Variants in SFMBT2 observed in about 807,000 individuals in gnomAD.
SFMBT2 encodes the protein scm-like with four MBT domains protein 2.
Under a neutral mutation model 110.1 loss-of-function variants are expected in SFMBT2, and 38 were observed. The observed-to-expected ratio is 0.35, with a 90% CI of 0.27 to 0.45. SFMBT2 has a LOEUF of 0.45. SFMBT2 is among the 20% of genes least tolerant of loss of function. The probability of loss-of-function intolerance (pLI) is 1.00; values close to 1 mark genes in which losing one functional copy is unlikely to be tolerated. For synonymous variants in SFMBT2, 425 were observed against 425.4 expected, an observed-to-expected ratio of 1.00 and a Z score of 0.01; for missense variants, 1,011 against 1,094.9, an observed-to-expected ratio of 0.92 and a Z score of 1.08.
intron 2 of SFMBT2, among the ~76,000 whole-genome samples, chr10:7,380,142 T>C (rs1845382104): frequency 6.6e-6 from 1 of 152,198 alleles, no homozygotes; most frequent in South Asian, 2.1e-4. Flanking sequence ...GAAAGACTTT[T>C]TAAAAAGGGA....
intron 1 of SFMBT2, among the ~76,000 whole-genome samples, chr10:7,410,552 G>C (rs1374072366): frequency 6.6e-6 from 1 of 152,150 alleles, no homozygotes; most frequent in African/African-American, 2.4e-5. Flanking sequence ...TTCCGAGCCC[G>C]GAGACGCAGG....
In SFMBT2 at chr10:7,378,771, G is replaced by T. The variant is rs558755435; in HGVS notation, c.100+3028C>A. Among the ~76,000 whole-genome samples, 214 of 150,506 alleles carry T rather than the reference G, an allele frequency of 1.4e-3. 1 individual carries two copies. The highest frequency in any genetic ancestry group is 3.8e-3 in the South Asian group (18 of 4,708). ...GGTGTGAGTGTGGGTGTGTCGCTGT[G>T]GGGTGGTGTGAGTGTGGGTGTGTGT... On this transcript the variant is annotated intron_variant, in intron 2 of 20. Coordinates refer to ENST00000397167, the MANE Select transcript of SFMBT2 (RefSeq NM_001387889.1).
In SFMBT2 at chr10:7,161,761, C is replaced by T. The variant is rs1315543503; in HGVS notation, c.*2009G>A. 6.6e-6 allele frequency: 1 copy of T among 152,188 alleles called. No individual in the cohort carries two copies. The highest frequency in any genetic ancestry group is 2.4e-5 in the African/African-American group (1 of 41,442). 9.4% of individuals were successfully genotyped at this position (152,188 alleles called of 1,614,324 possible). A position where few individuals can be genotyped will look rare whatever the true frequency, so the allele number is the denominator to read the frequency against. ...TGTGTTTTCCATTCTCATCTGTAAC[C>T]ATTACAGAATGTTAAGAAGGGTGAG... is the stretch of plus-strand genomic sequence containing the variant. On this transcript the variant is annotated 3_prime_UTR_variant, in exon 21 of 21. Transcript: ENST00000397167.
chr10:7,219,759 T>C, intron 11 of SFMBT2: 1 of 316,626 alleles, frequency 3.2e-6, no homozygotes, highest in Non-Finnish European at 4.6e-6. Flanking sequence ...GTCTTGGAGA[T>C]CAAATCCATT....
chr10:7,329,396 T>A (rs1158094735), intron 4 of SFMBT2: 2 of 976,688 alleles, frequency 2.0e-6, no homozygotes, highest in African/African-American at 3.5e-5. Flanking sequence ...TCAGCAGCCA[T>A]CAGCGCAGCA....
At chr10:7,298,736 T>C (rs1271505003) in intron 4 of SFMBT2, among the ~76,000 whole-genome samples, 1 of 152,140 alleles carries the variant, frequency 6.6e-6, no homozygotes, top group Non-Finnish European at 1.5e-5. Flanking sequence ...TGTATGTATG[T>C]ATGTGTATAT....
At chr10:7,258,099 T>C (rs1227533526) in intron 7 of SFMBT2, among the ~76,000 whole-genome samples, 1 of 152,082 alleles carries the variant, frequency 6.6e-6, no homozygotes, top group Non-Finnish European at 1.5e-5. Flanking sequence ...ACCTGGCTAA[T>C]TTTTTGTATT....
At chr10:7,309,243 T>C (rs566112659) in intron 4 of SFMBT2, among the ~76,000 whole-genome samples, 4 of 152,372 alleles carry the variant, frequency 2.6e-5, no homozygotes, top group Non-Finnish European at 5.9e-5. Context: ...GCCTGAATGC[T>C]GGAGCAAGAC....
At chr10:7,319,830 CAG>C (rs1289538240) in intron 4 of SFMBT2, among the ~76,000 whole-genome samples, 88 of 114,892 alleles carry the variant, frequency 7.7e-4, no homozygotes, top group African/African-American at 3.0e-3. Context: ...CAGAGAGAGA[CAG>C]AGAGGAAGAC....
intron 6 of SFMBT2, among the ~76,000 whole-genome samples, chr10:7,282,001 T>C (rs1044051244): frequency 2.0e-5 from 3 of 152,126 alleles, no homozygotes; most frequent in Non-Finnish European, 4.4e-5. Flanking sequence ...CATGCCACCA[T>C]GCCTAGCCAG....
intron 13 of SFMBT2, 107 bp from the exon 14 acceptor site, chr10:7,200,591 T>G: frequency 1.2e-6 from 1 of 854,838 alleles, no homozygotes; most frequent in Admixed American, 3.2e-5. Context: ...AAATCTCAGA[T>G]AAGAGGACCA....
intron 7 of SFMBT2, among the ~76,000 whole-genome samples, chr10:7,253,756 T>C (rs1392746362): frequency 6.7e-6 from 1 of 149,730 alleles, no homozygotes; most frequent in Non-Finnish European, 1.5e-5. Flanking sequence ...ATTTGGAAAC[T>C]ATAAAATGCA....
chr10:7,211,632 G>A (rs1010368696), intron 11 of SFMBT2, among the ~76,000 whole-genome samples: 4 of 151,978 alleles, frequency 2.6e-5, no homozygotes, highest in African/African-American at 7.3e-5. Flanking sequence ...TTAACTGTCT[G>A]GAAAATACTG....
chr10:7,356,011 ACAC>A (rs1181029188), intron 4 of SFMBT2, among the ~76,000 whole-genome samples: 1 of 152,236 alleles, frequency 6.6e-6, no homozygotes, highest in African/African-American at 2.4e-5. Context: ...GACAGTGGCA[ACAC>A]CACAACTCAC....
chr10:7,167,169 A>G (rs2497440), intron 20 of SFMBT2, among the ~76,000 whole-genome samples: 151,856 of 152,356 alleles, frequency 1, 75,680 homozygotes, highest in Middle Eastern at 1. Flanking sequence ...TCTGGACTAA[A>G]CCTATAAACT....
intron 20 of SFMBT2, among the ~76,000 whole-genome samples, chr10:7,165,550 A>C (rs1837673315): frequency 6.6e-6 from 1 of 152,276 alleles, no homozygotes; most frequent in Non-Finnish European, 1.5e-5. Context: ...TACTGTAGCA[A>C]TAAAAATGCA....
chr10:7,348,454 A>T (rs762890499), intron 4 of SFMBT2: 77 of 760,392 alleles, frequency 1.0e-4, no homozygotes, highest in South Asian at 2.1e-4. Context: ...TTTTCAAAAA[A>T]TTGACATTGT....
intron 1 of SFMBT2, among the ~76,000 whole-genome samples, chr10:7,397,831 C>A (rs959512104): frequency 6.6e-6 from 1 of 152,232 alleles, no homozygotes; most frequent in African/African-American, 2.4e-5. Context: ...CCCCGTCAGC[C>A]GGGTCACTCT....
chr10:7,390,128 G>A (rs1410350444), intron 1 of SFMBT2, among the ~76,000 whole-genome samples: 1 of 152,024 alleles, frequency 6.6e-6, no homozygotes, highest in Admixed American at 6.6e-5. Context: ...GCCACACGTT[G>A]GCTACAGTGC....
Sources: allele counts gnomAD v4.1 joint callset (sites outside exome capture counted in the v4.1 genomes callset), GRCh38; gene constraint gnomAD v4.1.1; transcripts MANE v1.5; gene names NCBI Gene and HGNC (gene_info 2026-07-23, HGNC 2026-07-21).